The following NPNT variants were observed in gnomAD, a reference collection of about 807,000 sequenced individuals.
NPNT encodes the protein nephronectin.
NPNT carries 45 observed loss-of-function variants against 68.6 expected under a neutral mutation model. The observed-to-expected ratio is 0.66, with a 90% CI of 0.52 to 0.84. NPNT has a LOEUF of 0.84. Ranked by LOEUF, NPNT falls within the 40% of genes least tolerant of loss-of-function variation. The pLI, the probability that NPNT is intolerant of heterozygous loss-of-function variation, is 0.00. For synonymous variants in NPNT, 233 were observed against 253.3 expected (o/e 0.92, Z 0.76); for missense variants, 672 against 714.8 (o/e 0.94, Z 0.68).
chr4:105,927,269 G>A (rs189433368), intron 2 of NPNT, 67 bp from the exon 3 acceptor site: 65 of 937,446 alleles, frequency 6.9e-5, no homozygotes, highest in South Asian at 5.7e-4. Flanking sequence ...ACTAGTGCAC[G>A]ACATCAATGC....
chr4:105,968,865 G>A (rs746639924), intron 11 of NPNT, 30 bp from the exon 12 acceptor site: 8 of 1,334,524 alleles, frequency 6.0e-6, no homozygotes, highest in Non-Finnish European at 8.6e-6. Flanking sequence ...GGCAGAGGAG[G>A]CTTGACTGGT....
chr4:105,942,599 C>G lies in NPNT; in HGVS notation c.1056C>G (p.Thr352=). Reference sequence around the variant, plus strand: ...CTACAACCCCAGAAAGGCCAACCACCGGACTGACAACTATAGCACCAGCTG... The same window carrying G: ...CTACAACCCCAGAAAGGCCAACCACGGGACTGACAACTATAGCACCAGCTG... The part of the protein sequence containing the change: ...LPPTTPERPT[T]GLTTIAPAAS... Residue 352 remains threonine (T), a synonymous_variant, in exon 8 of 12, where the codon ACC becomes ACG. Transcript: ENST00000379987. 1 of 1,614,030 alleles carries G rather than the reference C, an allele frequency of 6.2e-7. No individual in the cohort carries two copies.
At chr4:105,913,066 C>T (rs900265026) in intron 2 of NPNT, among the ~76,000 whole-genome samples, 3 of 152,098 alleles carry the variant, frequency 2.0e-5, no homozygotes, top group African/African-American at 7.2e-5. Flanking sequence ...GGGGTTTTGC[C>T]ATGTTGGCCA....
At chr4:105,929,088 A>G (rs6826426) in intron 3 of NPNT, among the ~76,000 whole-genome samples, 131,438 of 152,130 alleles carry the variant, frequency 0.86, 57,482 homozygotes, top group East Asian at 1. Flanking sequence ...TGCATGCATT[A>G]GGTATTTGTC....
chr4:105,966,890 G>C (rs1578698572), intron 10 of NPNT, among the ~76,000 whole-genome samples: 1 of 152,122 alleles, frequency 6.6e-6, no homozygotes, highest in East Asian at 1.9e-4. Flanking sequence ...ATATGTTGTT[G>C]TATGCCTATA....
chr4:105,930,403 T>C (rs563591888), intron 3 of NPNT, among the ~76,000 whole-genome samples: 59 of 152,260 alleles, frequency 3.9e-4, no homozygotes, highest in Non-Finnish European at 7.1e-4. Flanking sequence ...TTGAGGGCCC[T>C]GTCAGGATCA....
chr4:105,936,820 G>C (rs558488187), intron 3 of NPNT, among the ~76,000 whole-genome samples, 189 bp from the exon 4 acceptor site: 2 of 152,126 alleles, frequency 1.3e-5, no homozygotes, highest in Admixed American at 1.3e-4. Context: ...GGCGACTCCT[G>C]GTTGCCCCTA....
chr4:105,896,522 TAC>T (rs1224829954), intron 1 of NPNT, among the ~76,000 whole-genome samples: 1 of 152,118 alleles, frequency 6.6e-6, no homozygotes, highest in Non-Finnish European at 1.5e-5. Flanking sequence ...TCTGTGCAAT[TAC>T]AGACTAGGCT....
At chr4:105,935,761 AT>A (rs1455819765) in intron 3 of NPNT, among the ~76,000 whole-genome samples, 4 of 152,206 alleles carry the variant, frequency 2.6e-5, no homozygotes, top group African/African-American at 9.6e-5. Flanking sequence ...TACTTGGAAA[AT>A]CAGTAAGATA....
chr4:105,913,638 T>C (rs1036484831), intron 2 of NPNT, among the ~76,000 whole-genome samples: 1 of 152,232 alleles, frequency 6.6e-6, no homozygotes, highest in Non-Finnish European at 1.5e-5. Context: ...TGAGCCGAGT[T>C]TTACTAGGAT....
intron 8 of NPNT, among the ~76,000 whole-genome samples, chr4:105,950,030 G>A (rs4699202): frequency 0.89 from 135,594 of 152,242 alleles, 60,636 homozygotes; most frequent in East Asian, 1. Context: ...CCTTCAGAGA[G>A]GGGGCAGAGT....
intron 2 of NPNT, among the ~76,000 whole-genome samples, chr4:105,926,145 A>G (rs976972845): frequency 6.6e-6 from 1 of 152,152 alleles, no homozygotes; most frequent in Non-Finnish European, 1.5e-5. Flanking sequence ...TCAAGATTCA[A>G]CATAAGCCTC....
intron 8 of NPNT, among the ~76,000 whole-genome samples, chr4:105,957,933 G>C (rs1209392449): frequency 6.6e-6 from 1 of 152,132 alleles, no homozygotes; most frequent in East Asian, 1.9e-4. Flanking sequence ...GTTTGAGTTT[G>C]ATCTTAAAGG....
At chr4:105,898,091 T>C in intron 2 of NPNT, 90 bp downstream of exon 2, 3 of 863,998 alleles carry the variant, frequency 3.5e-6, no homozygotes, top group Non-Finnish European at 5.4e-6. Flanking sequence ...GAGGGTTCAT[T>C]ACTGAGCAAG....
rs1732467722 is a variant in NPNT, at chr4:105,970,163, G to C, written c.*1173G>C. ...TGTGTCAGGATGGGATAGGAAGCAA[G>C]TCCCATGCTTAGAGGCATGGGATGT... On this transcript the variant is annotated 3_prime_UTR_variant, in exon 12 of 12. Transcript: ENST00000379987. 2.0e-6 allele frequency: 1 copy of C among 500,188 alleles called. No individual in the cohort carries two copies. The highest frequency in any genetic ancestry group is 3.6e-6 in the Non-Finnish European group (1 of 276,744). The allele number at this position is 500,188 out of a possible 1,614,324, so 31.0% of individuals were successfully genotyped here.
At chr4:105,959,197 C>G in intron 10 of NPNT, 71 bp downstream of exon 10, 1 of 895,242 alleles carries the variant, frequency 1.1e-6, no homozygotes, top group Non-Finnish European at 1.9e-6. Context: ...TCCACTGCTG[C>G]TAATCAAGTC....
chr4:105,919,950 A>G (rs1365986424), intron 2 of NPNT, among the ~76,000 whole-genome samples: 1 of 152,006 alleles, frequency 6.6e-6, no homozygotes, highest in Non-Finnish European at 1.5e-5. Context: ...AAGTTTTAAC[A>G]TCTATGGATA....
Position 105,970,925 on chromosome 4 carries a change from C to G in NPNT, c.*1935C>G. 1 of 309,086 alleles carries G rather than the reference C, an allele frequency of 3.2e-6. No homozygotes were observed. Among genetic ancestry groups the G allele is most frequent in the South Asian group, 2.8e-5 (1 of 35,820 alleles). 19.1% of individuals were successfully genotyped at this position (309,086 alleles called of 1,614,324 possible). A position where few individuals can be genotyped will look rare whatever the true frequency, so the allele number is the denominator to read the frequency against. On this transcript the variant is annotated 3_prime_UTR_variant, in exon 12 of 12. Coordinates refer to ENST00000379987, the MANE Select transcript of NPNT (RefSeq NM_001033047.3). ...GCTGAGCTCACTGAAATATCTCTCC[C>G]TTATGGCAATCCTAGCAGTATTAAA...
chr4:105,955,165 A>C (rs1051452863), intron 8 of NPNT, among the ~76,000 whole-genome samples: 1 of 152,196 alleles, frequency 6.6e-6, no homozygotes, highest in Non-Finnish European at 1.5e-5. Flanking sequence ...AATAGCAGGT[A>C]TGCATTTGTT....
Sources: allele counts gnomAD v4.1 joint callset (sites outside exome capture counted in the v4.1 genomes callset), GRCh38; gene constraint gnomAD v4.1.1; transcripts MANE v1.5; gene names NCBI Gene and HGNC (gene_info 2026-07-23, HGNC 2026-07-21).